SBF2: variants seen among roughly 807,000 people sequenced by gnomAD.
SBF2 encodes myotubularin-related protein 13.
In SBF2, 112 loss-of-function variants were observed where a neutral mutation model predicts 225.2. The observed-to-expected ratio is 0.50, with a 90% CI of 0.43 to 0.58. The LOEUF (loss-of-function observed/expected upper bound fraction) is 0.58, where lower values mean the gene tolerates loss of function less well. SBF2 is among the 20% of genes least tolerant of loss of function. SBF2 has a pLI of 0.00. For synonymous variants in SBF2, 763 were observed against 773.3 expected (o/e 0.99, Z 0.22); for missense variants, 1,996 against 2,206.2 (o/e 0.90, Z 1.91).
At chr11:10,166,961 C>CCCCACACACACACACACACA (rs1955983993) in intron 2 of SBF2, among the ~76,000 whole-genome samples, 1 of 125,904 alleles carries the variant, frequency 7.9e-6, no homozygotes, top group African/African-American at 3.2e-5. Context: ...GACTCTGTCT[C>CCCCACACACACACACACACA]CACACACACA....
At chr11:9,845,811 A>G in intron 23 of SBF2, 71 bp from the exon 24 acceptor site, 1 of 1,420,262 alleles carries the variant, frequency 7.0e-7, no homozygotes, top group Admixed American at 1.7e-5. Flanking sequence ...CAAACAACAG[A>G]ATATAATAAC....
In SBF2 at chr11:9,993,906, T is replaced by A; in HGVS notation, c.1053+15A>T. Reference sequence around the variant, plus strand: ...TCTCTTTAACAGCATTAAATTTAAATATTAAACTTCTTACCAGCATTTTTG... The same window carrying A: ...TCTCTTTAACAGCATTAAATTTAAAAATTAAACTTCTTACCAGCATTTTTG... On this transcript the variant is annotated intron_variant, in intron 10 of 39. Transcript: ENST00000256190. The A allele has an allele frequency of 7.0e-7, 1 of 1,436,102 alleles. No individual in the cohort carries two copies. The highest frequency in any genetic ancestry group is 9.8e-7 in the Non-Finnish European group (1 of 1,017,988). The allele number at this position is 1,436,102 out of a possible 1,614,324, so 89.0% of individuals were successfully genotyped here. A position where few individuals can be genotyped will look rare whatever the true frequency, so the allele number is the denominator to read the frequency against.
chr11:10,213,107 A>G (rs1957999010), intron 1 of SBF2, among the ~76,000 whole-genome samples: 1 of 152,156 alleles, frequency 6.6e-6, no homozygotes, highest in African/African-American at 2.4e-5. Context: ...CTAAATTCAG[A>G]AAGCTCATTT....
intron 1 of SBF2, among the ~76,000 whole-genome samples, chr11:10,264,557 CTTT>C (rs1961758272): frequency 6.6e-6 from 1 of 151,984 alleles, no homozygotes; most frequent in Admixed American, 6.6e-5. Context: ...ACAGTTCCTA[CTTT>C]ATTTATTTTT....
chr11:10,125,239 A>G (rs776841063), intron 2 of SBF2, among the ~76,000 whole-genome samples: 1 of 152,112 alleles, frequency 6.6e-6, no homozygotes, highest in Non-Finnish European at 1.5e-5. Context: ...TACATCTCAA[A>G]TGAAAACTAC....
At chr11:9,956,161 C>T (rs1373629025) in intron 16 of SBF2, among the ~76,000 whole-genome samples, 4 of 152,026 alleles carry the variant, frequency 2.6e-5, no homozygotes, top group African/African-American at 7.2e-5. Flanking sequence ...GTTATCCATT[C>T]TAGTGTTGGT....
At chr11:9,858,027 G>A (rs1590238614) in intron 18 of SBF2, among the ~76,000 whole-genome samples, 199 bp downstream of exon 18, 1 of 152,096 alleles carries the variant, frequency 6.6e-6, no homozygotes, top group Admixed American at 6.6e-5. Context: ...TCCTAGTGCT[G>A]AAGAACTGTA....
At chr11:10,234,861 A>G (rs1405444314) in intron 1 of SBF2, among the ~76,000 whole-genome samples, 1 of 152,212 alleles carries the variant, frequency 6.6e-6, no homozygotes, top group Non-Finnish European at 1.5e-5. Flanking sequence ...CAGTGTGGTT[A>G]TAGCTTGGTA....
intron 1 of SBF2, among the ~76,000 whole-genome samples, chr11:10,287,452 T>A (rs76186177): frequency 6.6e-6 from 1 of 152,078 alleles, no homozygotes; most frequent in Admixed American, 6.5e-5. Context: ...AGGCTATTTT[T>A]TTTTTTCAAA....
chr11:9,989,210 G>T (rs1565100184), intron 13 of SBF2, among the ~76,000 whole-genome samples: 1 of 152,052 alleles, frequency 6.6e-6, no homozygotes, highest in Admixed American at 6.6e-5. Flanking sequence ...ACCAAACATT[G>T]TATGTTCTCA....
intron 5 of SBF2, among the ~76,000 whole-genome samples, chr11:10,029,385 C>G (rs1949167883): frequency 6.6e-6 from 1 of 152,146 alleles, no homozygotes; most frequent in Non-Finnish European, 1.5e-5. Flanking sequence ...ATCACTCCAA[C>G]ATGTTTCAAT....
chr11:10,116,376 T>A lies in SBF2; in HGVS notation c.142-73395A>T, dbSNP rs888062164. 3.3e-5 allele frequency among the ~76,000 whole-genome samples: 5 copies of A among 152,012 alleles called. No individual in the cohort carries two copies. In the South Asian group the frequency reaches 6.2e-4, roughly 19 times the overall value. ...ACTGTCATATACCAGGTAAGGCATT[T>A]AATTAAATACAGTGGAAAACATGAA... is the stretch of plus-strand genomic sequence containing the variant. On this transcript the variant is annotated intron_variant, in intron 2 of 39. Coordinates refer to ENST00000256190, the MANE Select transcript of SBF2 (RefSeq NM_030962.4).
In SBF2 at chr11:9,853,658, T is replaced by G. The variant is rs1295154018; in HGVS notation, c.2418A>C (p.Ser806=). The G allele has an allele frequency of 6.2e-7, 1 of 1,613,876 alleles. No individual in the cohort carries two copies. The part of the protein sequence containing the change: ...SYDTESGFED[S]ENTDIANSVV... ...CAGAATTGGCAATGTCAGTATTCTC[T>G]GAATCTTCAAACCCACTCTCTGTAT... Residue 806 remains serine (S), a synonymous_variant, in exon 20 of 40, where the codon TCA becomes TCC. Coordinates refer to ENST00000256190, the MANE Select transcript of SBF2 (RefSeq NM_030962.4).
chr11:10,209,494 G>A (rs1957860597), intron 1 of SBF2, among the ~76,000 whole-genome samples: 1 of 152,102 alleles, frequency 6.6e-6, no homozygotes, highest in East Asian at 1.9e-4. Flanking sequence ...TATGAGGCTG[G>A]TTATAATATA....
At chr11:9,943,286 A>T (rs543084797) in intron 16 of SBF2, among the ~76,000 whole-genome samples, 1 of 152,206 alleles carries the variant, frequency 6.6e-6, no homozygotes, top group Non-Finnish European at 1.5e-5. Context: ...ACATTTTAAG[A>T]GAGTATGAGA....
At chr11:9,910,824 G>A (rs111904997) in intron 16 of SBF2, among the ~76,000 whole-genome samples, 9,451 of 150,074 alleles carry the variant, frequency 0.063, 471 homozygotes, top group East Asian at 0.27. Flanking sequence ...CAAAGCAGGT[G>A]GATCATGAGG....
intron 2 of SBF2, among the ~76,000 whole-genome samples, chr11:10,163,703 G>T (rs1247275263): frequency 6.6e-6 from 1 of 152,002 alleles, no homozygotes; most frequent in Non-Finnish European, 1.5e-5. Flanking sequence ...TTTAGTACTG[G>T]AAACATTTAA....
intron 2 of SBF2, among the ~76,000 whole-genome samples, chr11:10,082,096 T>C (rs1951390664): frequency 6.6e-6 from 1 of 152,176 alleles, no homozygotes; most frequent in South Asian, 2.1e-4. Flanking sequence ...GAGACTACTA[T>C]GAGCAGCTCT....
chr11:9,842,859 C>G, intron 24 of SBF2, 89 bp from the exon 25 acceptor site: 1 of 1,359,468 alleles, frequency 7.4e-7, no homozygotes, highest in Non-Finnish European at 1.0e-6. Context: ...ATTGTTTCTT[C>G]TCCTTTCCCA....
Sources: allele counts gnomAD v4.1 joint callset (sites outside exome capture counted in the v4.1 genomes callset), GRCh38; gene constraint gnomAD v4.1.1; transcripts MANE v1.5; gene names NCBI Gene and HGNC (gene_info 2026-07-23, HGNC 2026-07-21).